The following TDRD3 variants were observed in gnomAD, a reference collection of about 807,000 sequenced individuals.
The protein encoded by TDRD3 is tudor domain-containing protein 3.
Under a neutral mutation model 86.7 loss-of-function variants are expected in TDRD3, and 45 were observed. That is an observed-to-expected ratio of 0.52 (90% CI 0.41 to 0.67). The LOEUF (loss-of-function observed/expected upper bound fraction) is 0.67, where lower values mean the gene tolerates loss of function less well. Ranked by LOEUF, TDRD3 falls within the 30% of genes least tolerant of loss-of-function variation. The pLI is 0.00. For missense variants in TDRD3, 814 were observed against 889.0 expected (o/e 0.92, Z 1.07); for synonymous variants, 298 against 301.7 (o/e 0.99, Z 0.13).
chr13:60,510,646 G>C lies in TDRD3; in HGVS notation c.1032G>C (p.Arg344Ser). ...GPPLRGRGKGRGRIRSEDEED... is the reference protein window; with the variant it reads ...GPPLRGRGKGSGRIRSEDEED... ...CATCTAAAGGTAGAGGAAAAGGCAG[G>C]GGGCGAATAAGATCTGAAGATGAAG... is the stretch of plus-strand genomic sequence containing the variant. The change falls in exon 10 of 14, where the codon AGG becomes AGC. Residue 344 changes from arginine to serine, a missense_variant. By Grantham distance (110) the Arg-to-Ser change is moderately radical. Coordinates refer to ENST00000377881, the MANE Select transcript of TDRD3 (RefSeq NM_001146070.2). 1 of 1,599,948 alleles carries C rather than the reference G, an allele frequency of 6.3e-7. No individual in the cohort carries two copies. The highest frequency in any genetic ancestry group is 8.5e-7 in the Non-Finnish European group (1 of 1,173,240).
intron 5 of TDRD3, among the ~76,000 whole-genome samples, chr13:60,478,970 AT>A (rs961904248): frequency 4.7e-4 from 69 of 147,468 alleles, no homozygotes; most frequent in South Asian, 1.1e-3. Flanking sequence ...TGCCTAGCTG[AT>A]TTTTTTTTTG....
chr13:60,443,688 C>G (rs1403252812), intron 2 of TDRD3, among the ~76,000 whole-genome samples: 5 of 151,802 alleles, frequency 3.3e-5, no homozygotes. Context: ...GTGTTTTCTC[C>G]TTAAGTCTAA....
At chr13:60,479,452 T>A (rs1956266376) in intron 5 of TDRD3, among the ~76,000 whole-genome samples, 1 of 152,194 alleles carries the variant, frequency 6.6e-6, no homozygotes, top group Admixed American at 6.5e-5. Context: ...TGTGTGCAGA[T>A]GAGAAGAATG....
Position 60,548,741 on chromosome 13 carries a change from ATACT to A in TDRD3, c.2118+13512_2118+13515del, listed in dbSNP as rs768660132. Among the ~76,000 whole-genome samples the A allele has an allele frequency of 4.3e-4, 65 of 152,130 alleles. 1 individual carries two copies. Among genetic ancestry groups the A allele is most frequent in the Middle Eastern group, 3.4e-3 (1 of 294 alleles). On this transcript the variant is annotated intron_variant, in intron 12 of 13. Transcript: ENST00000377881. ...AATTAGTGGAAAAAATGAAATCATA[ATACT>A]TACGCTGGCAAGGATGCAGTGATAT...
chr13:60,544,635 G>T (rs1595097761), intron 12 of TDRD3, among the ~76,000 whole-genome samples: 1 of 151,994 alleles, frequency 6.6e-6, no homozygotes, highest in East Asian at 1.9e-4. Flanking sequence ...CCTTTGAATA[G>T]TATATTAATT....
intron 8 of TDRD3, among the ~76,000 whole-genome samples, chr13:60,505,235 A>G (rs1016844637): frequency 6.6e-6 from 1 of 152,148 alleles, no homozygotes; most frequent in Admixed American, 6.5e-5. Flanking sequence ...TTGACCTGGG[A>G]TGCTTGAGCT....
intron 12 of TDRD3, chr13:60,547,355 G>A (rs929252085): frequency 2.0e-6 from 2 of 985,234 alleles, no homozygotes; most frequent in African/African-American, 3.5e-5. Context: ...GAGTGGGCAA[G>A]GCTGGTCTTG....
At chr13:60,437,251 C>G in intron 1 of TDRD3, among the ~76,000 whole-genome samples, 1 of 151,260 alleles carries the variant, frequency 6.6e-6, no homozygotes, top group South Asian at 2.1e-4. Context: ...CTCAGCCTCC[C>G]GAGTAGCTGT....
chr13:60,556,344 C>A (rs1958183499), intron 12 of TDRD3, among the ~76,000 whole-genome samples: 1 of 152,144 alleles, frequency 6.6e-6, no homozygotes, highest in Non-Finnish European at 1.5e-5. Flanking sequence ...GCTGACAAGT[C>A]ACCAAAATAA....
At chr13:60,510,014 A>G in intron 9 of TDRD3, 95 bp downstream of exon 9, 2 of 1,449,558 alleles carry the variant, frequency 1.4e-6, no homozygotes, top group Non-Finnish European at 1.8e-6. Flanking sequence ...GAGGGCTGTA[A>G]TTTTGTTTAA....
intron 12 of TDRD3, among the ~76,000 whole-genome samples, chr13:60,566,511 TAAAG>T (rs1051241833): frequency 1.3e-5 from 2 of 152,102 alleles, no homozygotes; most frequent in African/African-American, 4.8e-5. Context: ...GATTCAAAGA[TAAAG>T]TAAGGAAGAG....
At chr13:60,433,060 G>C (rs1165143883) in intron 1 of TDRD3, among the ~76,000 whole-genome samples, 2 of 152,176 alleles carry the variant, frequency 1.3e-5, no homozygotes, top group East Asian at 3.9e-4. Context: ...CTATCCATTT[G>C]TGAAGAATGT....
chr13:60,521,938 A>G (rs2137730481), intron 10 of TDRD3, among the ~76,000 whole-genome samples: 1 of 152,220 alleles, frequency 6.6e-6, no homozygotes, highest in South Asian at 2.1e-4. Context: ...AAAAAGAGTA[A>G]CCTCCAAAAC....
intron 10 of TDRD3, among the ~76,000 whole-genome samples, chr13:60,524,417 T>C (rs551750671): frequency 6.6e-6 from 1 of 150,846 alleles, no homozygotes; most frequent in Non-Finnish European, 1.5e-5. Flanking sequence ...TGAGGCAGGA[T>C]AATCACTTGA....
chr13:60,482,108 A>C lies in TDRD3; in HGVS notation c.496-1667A>C, dbSNP rs575849141. 3.9e-5 allele frequency among the ~76,000 whole-genome samples: 6 copies of C among 152,256 alleles called. No individual in the cohort carries two copies. In the South Asian group the frequency reaches 1.2e-3, roughly 32 times the overall value. On this transcript the variant is annotated intron_variant, in intron 5 of 13. Transcript: ENST00000377881. ...GGGAATTGTTCAGCTTACAACTCTCAGTTGTTTTTTGCTCAGCCTTGTTCT... is the reference window on the plus strand; with the variant it reads ...GGGAATTGTTCAGCTTACAACTCTCCGTTGTTTTTTGCTCAGCCTTGTTCT...
At chr13:60,475,368 A>G (rs1956163183) in intron 5 of TDRD3, among the ~76,000 whole-genome samples, 1 of 152,166 alleles carries the variant, frequency 6.6e-6, no homozygotes, top group Non-Finnish European at 1.5e-5. Context: ...TTCCTGCCTT[A>G]GTTTGCTTAG....
At chr13:60,489,543 T>G (rs989978987) in intron 7 of TDRD3, among the ~76,000 whole-genome samples, 2 of 152,210 alleles carry the variant, frequency 1.3e-5, no homozygotes, top group Non-Finnish European at 2.9e-5. Flanking sequence ...AGCTTTTTTG[T>G]ATCCCCTGTT....
rs7996718 is a variant in TDRD3, at chr13:60,503,292, G to C, written c.859-6471G>C. ...AGCACCTGTTAAAGTTGTATAGCTT[G>C]ATTGTAACCCATCTTTTGAGAAGGA... On this transcript the variant is annotated intron_variant, in intron 8 of 13. Coordinates refer to ENST00000377881, the MANE Select transcript of TDRD3 (RefSeq NM_001146070.2). 6.2e-3 allele frequency among the ~76,000 whole-genome samples: 941 copies of C among 152,272 alleles called. 14 individuals carry two copies. Among genetic ancestry groups the C allele is most frequent in the African/African-American group, 0.022 (903 of 41,560 alleles).
intron 8 of TDRD3, among the ~76,000 whole-genome samples, chr13:60,506,543 T>A (rs1025784346): frequency 6.6e-6 from 1 of 151,526 alleles, no homozygotes; most frequent in African/African-American, 2.4e-5. Context: ...CAGGATTGAG[T>A]TTGAGGAGTT....
Sources: gnomAD v4.1 joint callset for allele counts (sites outside exome capture counted in the v4.1 genomes callset) on GRCh38, gnomAD v4.1.1 for gene constraint, MANE v1.5 for transcripts, NCBI Gene and HGNC (gene_info 2026-07-23, HGNC 2026-07-21) for gene names.